CD80: variants seen among roughly 807,000 people sequenced by gnomAD.
CD80 encodes the protein T-lymphocyte activation antigen CD80.
CD80 carries 13 observed loss-of-function variants against 27.1 expected under a neutral mutation model. That is an observed-to-expected ratio of 0.48 (90% confidence interval 0.31 to 0.76). The LOEUF (loss-of-function observed/expected upper bound fraction) is 0.76. CD80 is among the 30% of genes least tolerant of loss of function. The pLI is 0.04. For synonymous variants in CD80, 125 were observed against 125.5 expected, an observed-to-expected ratio of 1.00 and a Z score of 0.03; for missense variants, 277 against 347.9, an observed-to-expected ratio of 0.80 and a Z score of 1.62.
chr3:119,546,420 G>A (rs1444974223), intron 2 of CD80, among the ~76,000 whole-genome samples: 2 of 152,148 alleles, frequency 1.3e-5, no homozygotes, highest in Admixed American at 6.5e-5. Context: ...CACAAGATAT[G>A]TATTATTTTC....
intron 2 of CD80, among the ~76,000 whole-genome samples, chr3:119,552,948 T>G (rs1465357031): frequency 6.6e-6 from 1 of 151,902 alleles, no homozygotes; most frequent in East Asian, 1.9e-4. Context: ...TACGAGGAGA[T>G]GGGGTACAGG....
intron 2 of CD80, among the ~76,000 whole-genome samples, chr3:119,545,967 T>C (rs1403462159): frequency 6.6e-6 from 1 of 152,234 alleles, no homozygotes; most frequent in Non-Finnish European, 1.5e-5. Context: ...GCAATGCTTG[T>C]TAAAGGTTTT....
At chr3:119,546,248 G>T (rs1337355623) in intron 2 of CD80, among the ~76,000 whole-genome samples, 5 of 152,186 alleles carry the variant, frequency 3.3e-5, no homozygotes, top group Admixed American at 6.5e-5. Context: ...CCTGACTAAG[G>T]TTCTGGGTAC....
Position 119,537,323 on chromosome 3 carries a change from G to A in CD80, c.514C>T (p.His172Tyr), listed in dbSNP as rs1261605345. ...CSTSGGFPEP[H>Y]LSWLENGEEL... ...TCTCCATTTTCCAACCAGGAGAGGT[G>A]AGGCTCTGGAAAACCTCCAGAGGTT... The change falls in exon 4 of 7, where the codon CAC (histidine) becomes TAC (tyrosine). Residue 172 changes from histidine to tyrosine, a missense_variant. His to Tyr is a moderately conservative substitution (Grantham distance 83, BLOSUM62 2). Transcript: ENST00000264246. 6.2e-7 allele frequency: 1 copy of A among 1,613,906 alleles called. No individual in the cohort carries two copies. The highest frequency in any genetic ancestry group is 8.5e-7 in the Non-Finnish European group (1 of 1,179,908).
At chr3:119,525,811 A>G (rs1250912756) in intron 6 of CD80, 62 bp from the exon 7 acceptor site, 1 of 149,424 alleles carries the variant, frequency 6.7e-6, no homozygotes, top group Non-Finnish European at 1.5e-5. Context: ...AAACATCTTA[A>G]ATTTATTTAT....
At chr3:119,550,622 C>T (rs909100409) in intron 2 of CD80, among the ~76,000 whole-genome samples, 2 of 152,280 alleles carry the variant, frequency 1.3e-5, no homozygotes, top group East Asian at 3.9e-4. Context: ...ACGATTTTGT[C>T]TGCTTCAGTG....
intron 3 of CD80, among the ~76,000 whole-genome samples, chr3:119,542,384 T>C (rs186581777): frequency 3.3e-5 from 5 of 152,234 alleles, no homozygotes; most frequent in Non-Finnish European, 7.4e-5. Context: ...AGTAAGGAAT[T>C]CACTACGGAT....
intron 3 of CD80, among the ~76,000 whole-genome samples, chr3:119,543,846 C>G (rs572889245): frequency 6.6e-6 from 1 of 150,698 alleles, no homozygotes; most frequent in African/African-American, 2.4e-5. Flanking sequence ...TAGTAATAGA[C>G]GTTCACATAC....
At chr3:119,541,596 A>G (rs775720141) in intron 3 of CD80, among the ~76,000 whole-genome samples, 1 of 152,244 alleles carries the variant, frequency 6.6e-6, no homozygotes. Flanking sequence ...CAGCACAGGC[A>G]TCACCTGAGA....
At chr3:119,538,925 C>T (rs187723300) in intron 3 of CD80, among the ~76,000 whole-genome samples, 21 of 152,232 alleles carry the variant, frequency 1.4e-4, no homozygotes, top group African/African-American at 5.1e-4. Flanking sequence ...GCTTTTGCTT[C>T]TACTGAGTCT....
chr3:119,537,864 A>T (rs892424837), intron 3 of CD80, among the ~76,000 whole-genome samples: 2 of 152,224 alleles, frequency 1.3e-5, no homozygotes, highest in African/African-American at 4.8e-5. Flanking sequence ...CCCATTACTC[A>T]TTAATAGTTA....
In CD80 at chr3:119,558,499, A is replaced by G. The variant is rs536692843; in HGVS notation, c.-200-571T>C. The stretch of plus-strand genomic sequence containing the variant: ...ACTCCAGGGCCAGGCGTGGTGGCTC[A>G]CGCCTGTAATCCCAGCACTTTGGGA... On this transcript the variant is annotated intron_variant, in intron 1 of 6. Coordinates refer to ENST00000264246, the MANE Select transcript of CD80 (RefSeq NM_005191.4). 9.2e-5 allele frequency among the ~76,000 whole-genome samples: 14 copies of G among 152,330 alleles called. No homozygotes were observed. The South Asian group carries it at 2.7e-3, about 29-fold the overall frequency.
chr3:119,544,927 C>A, intron 2 of CD80, 60 bp from the exon 3 acceptor site: 1 of 1,392,958 alleles, frequency 7.2e-7, no homozygotes, highest in South Asian at 1.3e-5. Flanking sequence ...CCTGCATGGT[C>A]AGGAATCCAA....
intron 3 of CD80, among the ~76,000 whole-genome samples, chr3:119,543,178 C>T (rs577138542): frequency 5.3e-5 from 8 of 152,330 alleles, no homozygotes; most frequent in Non-Finnish European, 1.0e-4. Context: ...GCCAGTTGTG[C>T]GTAAATTACT....
intron 3 of CD80, among the ~76,000 whole-genome samples, chr3:119,542,102 G>A (rs1295127689): frequency 7.9e-6 from 1 of 127,082 alleles, no homozygotes; most frequent in Non-Finnish European, 1.6e-5. Flanking sequence ...TTTTAACAGG[G>A]ATCTTTTAGG....
At chr3:119,545,600 A>G (rs187989990) in intron 2 of CD80, among the ~76,000 whole-genome samples, 1 of 152,144 alleles carries the variant, frequency 6.6e-6, no homozygotes, top group Admixed American at 6.5e-5. Context: ...TCATACAGTA[A>G]CAGCCTGTTT....
rs757766631 is a variant in CD80, at chr3:119,537,228, T to C, written c.609A>G (p.Lys203=). 6.8e-6 allele frequency: 11 copies of C among 1,614,154 alleles called. No individual in the cohort carries two copies. The South Asian group carries it at 1.2e-4, about 18-fold the overall frequency. ...GGTTGGTTGTCATATTGAAATCCAG[T>C]TTGCTGCTAACAGCATAGAGCTCAG... ...PETELYAVSS[K]LDFNMTTNHS... The change falls in exon 4 of 7, where the codon AAA becomes AAG. Residue 203 remains lysine, a synonymous_variant. Coordinates refer to ENST00000264246, the MANE Select transcript of CD80 (RefSeq NM_005191.4).
chr3:119,526,106 A>T (rs905906779), intron 6 of CD80, among the ~76,000 whole-genome samples: 4 of 152,196 alleles, frequency 2.6e-5, no homozygotes, highest in African/African-American at 7.2e-5. Flanking sequence ...ACCAGCTATT[A>T]CCAAACGACC....
Position 119,541,778 on chromosome 3 carries a change from T to A in CD80, c.418+2772A>T, listed in dbSNP as rs550549318. ...CTCAGCAAAATTAAGCGAGTGACCTTTTTGTCTTCCCTTTACTGGATTTTG... is the reference window on the plus strand; with the variant it reads ...CTCAGCAAAATTAAGCGAGTGACCTATTTGTCTTCCCTTTACTGGATTTTG... On this transcript the variant is annotated intron_variant, in intron 3 of 6. Coordinates refer to ENST00000264246, the MANE Select transcript of CD80 (RefSeq NM_005191.4). 2.6e-5 allele frequency among the ~76,000 whole-genome samples: 4 copies of A among 152,264 alleles called. No individual in the cohort carries two copies. In the South Asian group the frequency reaches 8.3e-4, roughly 32 times the overall value.
Sources: gnomAD v4.1 joint callset for allele counts (sites outside exome capture counted in the v4.1 genomes callset) on GRCh38, gnomAD v4.1.1 for gene constraint, MANE v1.5 for transcripts, NCBI Gene and HGNC (gene_info 2026-07-23, HGNC 2026-07-21) for gene names.